BOD1L1: variants seen among roughly 807,000 people sequenced by gnomAD.
BOD1L1 encodes the protein biorientation of chromosomes in cell division 1 like 1, also known as biorientation of chromosomes in cell division protein 1-like 1.
In BOD1L1, 86 loss-of-function variants were observed where a neutral mutation model predicts 240.7. That is an observed-to-expected ratio of 0.36 (90% CI 0.30 to 0.43). The LOEUF (loss-of-function observed/expected upper bound fraction) is 0.43. Among genes scored for constraint, BOD1L1 ranks in the 20% least tolerant of loss-of-function variants. BOD1L1 has a pLI of 1.00. For synonymous variants in BOD1L1, 1,268 were observed against 1,272.3 expected (o/e 1.00, Z 0.07); for missense variants, 3,554 against 3,643.5 (o/e 0.98, Z 0.63).
chr4:13,570,085 C>G lies in BOD1L1; in HGVS notation c.9082G>C (p.Val3028Leu), dbSNP rs750122596. 6 of 1,605,754 alleles carry G rather than the reference C, an allele frequency of 3.7e-6. No individual in the cohort carries two copies. The South Asian group carries it at 6.7e-5, about 18-fold the overall frequency. The change falls in exon 26 of 26, where the codon GTC becomes CTC. Residue 3028 changes from valine (V) to leucine (L), a missense_variant. Around this residue, in one of 2 missense-constraint regions of BOD1L1, gnomAD observed 3,393 missense variants for 3,427.1 expected, o/e 0.99. Transcript: ENST00000040738. Reference sequence around the variant, plus strand: ...CTTGTTCGGGCCCCAGGAGGGCTGACTTCTCTCTTGCGCTTGATAGAAGGG... The same window carrying G: ...CTTGTTCGGGCCCCAGGAGGGCTGAGTTCTCTCTTGCGCTTGATAGAAGGG... ...LSPSIKRKRE[V>L]SPPGARTRGQ...
At chr4:13,594,172 T>C (rs913506418) in intron 12 of BOD1L1, among the ~76,000 whole-genome samples, 3 of 151,848 alleles carry the variant, frequency 2.0e-5, no homozygotes, top group Admixed American at 6.5e-5. Flanking sequence ...ATAAAGTCCC[T>C]TTAAGCAAAT....
intron 18 of BOD1L1, 81 bp downstream of exon 18, chr4:13,582,571 G>T: frequency 9.4e-7 from 1 of 1,065,900 alleles, no homozygotes; most frequent in Non-Finnish European, 1.4e-6. Context: ...AAGTAAATGA[G>T]CAAAATAGAC....
At chr4:13,625,650 A>G (rs1717333123) in intron 1 of BOD1L1, 1 of 152,234 alleles carries the variant, frequency 6.6e-6, no homozygotes, top group Admixed American at 6.5e-5. Context: ...GTTGAATACG[A>G]ATAACTAACT....
chr4:13,612,670 G>C (rs1716263170), intron 5 of BOD1L1, among the ~76,000 whole-genome samples: 1 of 152,144 alleles, frequency 6.6e-6, no homozygotes, highest in Non-Finnish European at 1.5e-5. Flanking sequence ...TTAGCTTCTG[G>C]GAGGTAATCT....
chr4:13,589,353 A>G (rs182623290), intron 14 of BOD1L1, among the ~76,000 whole-genome samples: 238 of 152,362 alleles, frequency 1.6e-3, no homozygotes, highest in Non-Finnish European at 2.8e-3. Context: ...CATACACAGT[A>G]GCATTCTTTG....
chr4:13,580,136 A>G lies in BOD1L1; in HGVS notation c.8704-163T>C, dbSNP rs563597235. 6 of 572,868 alleles carry G rather than the reference A, an allele frequency of 1.0e-5. No homozygotes were observed. The South Asian group carries it at 1.1e-4, about 11-fold the overall frequency. The allele number at this position is 572,868 out of a possible 1,614,324, so 35.5% of individuals were successfully genotyped here. ...GATTAAGTATACCTAGCAAACATGG[A>G]TGCCTGAGCTTCTAAATACAGACTT... is the stretch of plus-strand genomic sequence containing the variant. On this transcript the variant is annotated intron_variant, in intron 21 of 25. Transcript: ENST00000040738.
chr4:13,581,101 T>C (rs770472749), intron 20 of BOD1L1, 31 bp downstream of exon 20: 23 of 1,566,462 alleles, frequency 1.5e-5, no homozygotes, highest in Non-Finnish European at 1.9e-5. Flanking sequence ...AAATTTCTTG[T>C]GTGTGAACTG....
At chr4:13,592,033 T>A (rs910031896) in intron 12 of BOD1L1, 67 bp from the exon 13 acceptor site, 2 of 1,279,808 alleles carry the variant, frequency 1.6e-6, no homozygotes, top group Non-Finnish European at 2.2e-6. Context: ...AGAAACAAAT[T>A]TGAAGATTTT....
chr4:13,590,711 G>C (rs965408891), intron 13 of BOD1L1, among the ~76,000 whole-genome samples: 1 of 152,088 alleles, frequency 6.6e-6, no homozygotes, highest in Admixed American at 6.5e-5. Flanking sequence ...ATAAATAAGA[G>C]AAAAATTTTC....
rs1182073931 is a variant in BOD1L1, at chr4:13,614,431, C to T, written c.939G>A (p.Glu313=). 1 of 1,603,776 alleles carries T rather than the reference C, an allele frequency of 6.2e-7. No individual in the cohort carries two copies. Among genetic ancestry groups the T allele is most frequent in the Non-Finnish European group, 8.5e-7 (1 of 1,174,294 alleles). Reference sequence around the variant, plus strand: ...CTTTGTCTGTTGATTTATTTTTTTGCTCACTGCTTTCCTGTTGAACATCCT... The same window carrying T: ...CTTTGTCTGTTGATTTATTTTTTTGTTCACTGCTTTCCTGTTGAACATCCT... ...LNKDVQQESS[E]QKNKSTDKGE... is the part of the protein sequence containing the mutation. The change falls in exon 4 of 26, where the codon GAG becomes GAA. Residue 313 remains glutamate, a synonymous_variant. Transcript: ENST00000040738.
At chr4:13,605,198 C>T (rs768213753) in intron 9 of BOD1L1, 114 bp from the exon 10 acceptor site, 10 of 881,748 alleles carry the variant, frequency 1.1e-5, no homozygotes, top group Non-Finnish European at 1.6e-5. Flanking sequence ...TAACATCTCA[C>T]TTAATTCTTA....
chr4:13,600,662 C>A lies in BOD1L1; in HGVS notation c.6238G>T (p.Asp2080Tyr). ...ATTGCGCTTACCTGAGGGGTGTAAT[C>A]ATTTGTGGTACTGGTGGAAATAATC... Reference protein sequence around the residue: ...VLIISTSTTNDYTPQVSAITD... With the variant: ...VLIISTSTTNYYTPQVSAITD... Residue 2080 changes from aspartate to tyrosine, a missense_variant, in exon 10 of 26, where the codon GAT becomes TAT. Coordinates refer to ENST00000040738, the MANE Select transcript of BOD1L1 (RefSeq NM_148894.3). The A allele has an allele frequency of 6.2e-7, 1 of 1,613,966 alleles. No individual in the cohort carries two copies. Among genetic ancestry groups the A allele is most frequent in the Middle Eastern group, 1.6e-4 (1 of 6,062 alleles).
chr4:13,572,173 TG>T (rs1712263943), intron 25 of BOD1L1, among the ~76,000 whole-genome samples: 1 of 151,968 alleles, frequency 6.6e-6, no homozygotes, highest in Non-Finnish European at 1.5e-5. Context: ...GAGATGAAAA[TG>T]GGCTGAAGCG....
rs376613569 is a variant in BOD1L1 at position 13,599,560 on chromosome 4, C to A, written c.7340G>T (p.Arg2447Ile). ...GTGTAAAGTGCTCTCTTTCTGTCCT[C>A]TTCCTGCAAATGGTCCTATTTCGGG... ...ECPEIGPFAG[R>I]GQKESTLHLI... Residue 2447 changes from arginine to isoleucine, a missense_variant, in exon 10 of 26, where the codon AGA (arginine) becomes ATA (isoleucine). Arg to Ile is a moderately conservative substitution (Grantham distance 97, BLOSUM62 -3). This residue lies in a region of BOD1L1 where 3,393 missense variants were observed against 3,427.1 expected (regional missense o/e 0.99). Transcript: ENST00000040738. 21 of 1,613,928 alleles carry A rather than the reference C, an allele frequency of 1.3e-5. No homozygotes were observed. The highest frequency in any genetic ancestry group is 1.7e-5 in the Non-Finnish European group (20 of 1,179,914).
chr4:13,575,845 T>C (rs1003823696), intron 25 of BOD1L1, among the ~76,000 whole-genome samples: 19 of 151,930 alleles, frequency 1.3e-4, no homozygotes, highest in Non-Finnish European at 2.2e-4. Context: ...AAATAATGCT[T>C]GTTTAAACAA....
In BOD1L1 at chr4:13,603,217, G is replaced by C. The variant is rs975713274; in HGVS notation, c.3683C>G (p.Thr1228Ser). The C allele has an allele frequency of 3.1e-6, 5 of 1,613,942 alleles. No homozygotes were observed. Among genetic ancestry groups the C allele is most frequent in the Admixed American group, 1.7e-5 (1 of 60,032 alleles). Residue 1228 changes from threonine to serine, a missense_variant, in exon 10 of 26, where the codon ACT (threonine) becomes AGT (serine). Around this residue, in one of 2 missense-constraint regions of BOD1L1, gnomAD observed 3,393 missense variants for 3,427.1 expected, o/e 0.99. Coordinates refer to ENST00000040738, the MANE Select transcript of BOD1L1 (RefSeq NM_148894.3). Reference sequence around the variant, plus strand: ...TTCAGAATCTATATTCACTTCAGTAGTTCCTCTATGAATGGGTTCTTTCTC... The same window carrying C: ...TTCAGAATCTATATTCACTTCAGTACTTCCTCTATGAATGGGTTCTTTCTC... ...PGEKEPIHRG[T>S]TEVNIDSETV...
intron 19 of BOD1L1, 137 bp from the exon 20 acceptor site, chr4:13,581,344 T>G: frequency 1.6e-6 from 1 of 622,896 alleles, no homozygotes; most frequent in South Asian, 2.3e-5. Context: ...TTTAAAAATA[T>G]GTGATGTAGG....
chr4:13,618,276 G>T (rs1263419756), intron 2 of BOD1L1, among the ~76,000 whole-genome samples: 1 of 152,164 alleles, frequency 6.6e-6, no homozygotes, highest in Non-Finnish European at 1.5e-5. Context: ...AAAAAAACAT[G>T]CTTTTAAAGC....
intron 2 of BOD1L1, among the ~76,000 whole-genome samples, chr4:13,617,050 T>A (rs868295570): frequency 1.3e-5 from 2 of 151,938 alleles, no homozygotes; most frequent in Admixed American, 6.5e-5. Context: ...ATCGAGACCA[T>A]CCTGGCCAAC....
Sources: gnomAD v4.1 joint callset for allele counts (sites outside exome capture counted in the v4.1 genomes callset) on GRCh38, gnomAD v4.1.1 for gene constraint, gnomAD v4.1.1 regional missense constraint, MANE v1.5 for transcripts, NCBI Gene and HGNC (gene_info 2026-07-23, HGNC 2026-07-21) for gene names.